The following RAB33A variants were observed in gnomAD, a reference collection of about 807,000 sequenced individuals.
The protein encoded by RAB33A is ras-related protein Rab-33A.
A neutral mutation model predicts 12.0 loss-of-function variants in RAB33A; 6 were observed. That is an observed-to-expected ratio of 0.50 (90% CI 0.27 to 0.99). The LOEUF (loss-of-function observed/expected upper bound fraction) is 0.99, where lower values mean the gene tolerates loss of function less well. Among genes scored for constraint, RAB33A ranks in the 50% least tolerant of loss-of-function variants. The probability of loss-of-function intolerance (pLI) is 0.11; values close to 1 mark genes in which losing one functional copy is unlikely to be tolerated. For missense variants in RAB33A, 109 were observed against 192.0 expected (o/e 0.57, Z 2.55); for synonymous variants, 70 against 82.4 (o/e 0.85, Z 0.81).
the RAB33A span, among the ~76,000 whole-genome samples, chrX:130,141,617 T>C: frequency 2.7e-5 from 3 of 111,461 alleles, no homozygotes; most frequent in African/African-American, 9.8e-5. Context: ...TTGAGGTTAC[T>C]GGTCTGCTGC....
the RAB33A span, chrX:130,129,640 AGAGT>A: frequency 2.5e-6 from 3 of 1,201,422 alleles, no homozygotes; most frequent in Non-Finnish European, 3.4e-6. Flanking sequence ...TGAGGGAGAG[AGAGT>A]AACAATAGGT....
the RAB33A span, among the ~76,000 whole-genome samples, chrX:130,117,107 G>A: frequency 8.9e-6 from 1 of 111,943 alleles, no homozygotes; most frequent in African/African-American, 3.3e-5. Context: ...CCAGCTACGC[G>A]GGAGGCTGAA....
the RAB33A span, among the ~76,000 whole-genome samples, chrX:130,119,398 C>T: frequency 8.9e-6 from 1 of 112,286 alleles, no homozygotes; most frequent in African/African-American, 3.2e-5. Flanking sequence ...CTCCTGGTCA[C>T]CTAGGGGGGC....
Position 130,172,228 on chromosome X carries a change from T to C in RAB33A, c.166T>C (p.Phe56Leu). ...GGGCAAGACCTGCCTGACCTTCCGC[T>C]TCTGCGGGGGTACCTTCCCAGACAA... is the stretch of plus-strand genomic sequence containing the variant. ...NVGKTCLTFR[F>L]CGGTFPDKTE... Residue 56 changes from phenylalanine (F) to leucine (L), a missense_variant, in exon 1 of 2, where the codon TTC becomes CTC. Transcript: ENST00000257017. 1 of 1,212,136 alleles carries C rather than the reference T, an allele frequency of 8.2e-7. No homozygotes were observed.
At chrX:130,165,534 T>C in the RAB33A span, 4 of 1,174,505 alleles carry the variant, frequency 3.4e-6, no homozygotes, top group African/African-American at 5.3e-5. Context: ...GGAGGTTGCC[T>C]GGAATGGGTC....
chrX:130,130,130 T>G, the RAB33A span: 22 of 1,211,932 alleles, frequency 1.8e-5, no homozygotes, highest in South Asian at 3.9e-4. Context: ...TTCTGAGGCC[T>G]CGGACTCTGT....
chrX:130,117,078 G>T, the RAB33A span, among the ~76,000 whole-genome samples: 1 of 111,747 alleles, frequency 8.9e-6, no homozygotes, highest in Non-Finnish European at 1.9e-5. Context: ...GCCGGGCGTG[G>T]TGGCGGGCTC....
the RAB33A span, chrX:130,129,301 G>A: frequency 2.5e-6 from 1 of 399,543 alleles, no homozygotes; most frequent in East Asian, 4.4e-5. Context: ...CAATTTGCTT[G>A]CTTTCTAATA....
intron 1 of RAB33A, among the ~76,000 whole-genome samples, chrX:130,175,483 C>T (rs6637699): frequency 2.0e-3 from 195 of 98,642 alleles, no homozygotes; most frequent in African/African-American, 6.9e-3. Flanking sequence ...CAGAACTCAA[C>T]TGGGTTTACT....
At chrX:130,120,912 C>G in the RAB33A span, among the ~76,000 whole-genome samples, 1 of 113,338 alleles carries the variant, frequency 8.8e-6, no homozygotes, top group Admixed American at 9.2e-5. Context: ...CGGGAACTGT[C>G]GTCCAAGGAG....
At chrX:130,150,480 C>T in the RAB33A span, among the ~76,000 whole-genome samples, 3 of 100,953 alleles carry the variant, frequency 3.0e-5, no homozygotes, top group African/African-American at 7.2e-5. Context: ...GGACTACAGG[C>T]GCCCGCCACT....
upstream of RAB33A, among the ~76,000 whole-genome samples, chrX:130,167,255 A>C (rs1400227232): frequency 9.7e-5 from 11 of 113,010 alleles, no homozygotes; most frequent in Admixed American, 2.8e-4. Context: ...CACCTGGGCA[A>C]GTCACTTAAT....
At chrX:130,137,567 C>T in the RAB33A span, 2 of 1,156,058 alleles carry the variant, frequency 1.7e-6, no homozygotes, top group Non-Finnish European at 2.3e-6. Context: ...ATGAAACATT[C>T]CAACTGGAGC....
chrX:130,136,768 A>G, the RAB33A span: 21 of 1,164,587 alleles, frequency 1.8e-5, no homozygotes, highest in Middle Eastern at 2.3e-4. Flanking sequence ...TGAGCCTACA[A>G]GGCTATCACT....
intron 1 of RAB33A, among the ~76,000 whole-genome samples, chrX:130,177,627 C>A (rs2031676093): frequency 9.0e-6 from 1 of 111,659 alleles, no homozygotes; most frequent in Non-Finnish European, 1.9e-5. Context: ...GACTACTAAT[C>A]CTCATAGCAT....
chrX:130,173,456 T>C (rs1436956597), intron 1 of RAB33A, among the ~76,000 whole-genome samples: 2 of 111,503 alleles, frequency 1.8e-5, no homozygotes, highest in Admixed American at 1.9e-4. Context: ...CTGAGTGACG[T>C]GGAGAGAAGG....
the RAB33A span, among the ~76,000 whole-genome samples, chrX:130,150,586 C>T: frequency 9.5e-6 from 1 of 105,708 alleles, no homozygotes; most frequent in Non-Finnish European, 2.0e-5. Flanking sequence ...CTGCCCGCCT[C>T]GGCCTCCCAA....
the RAB33A span, among the ~76,000 whole-genome samples, chrX:130,161,256 T>C: frequency 2.7e-5 from 3 of 110,836 alleles, no homozygotes; most frequent in East Asian, 8.6e-4. Context: ...CTCACACTTG[T>C]AATCCCAGCA....
intron 1 of RAB33A, among the ~76,000 whole-genome samples, chrX:130,182,179 T>TATATACACACAC (rs370694549): frequency 3.6e-4 from 26 of 72,665 alleles, no homozygotes; most frequent in South Asian, 2.2e-3. Context: ...TATATATATA[T>TATATACACACAC]ATACACATAT....
Sources: gnomAD v4.1 joint callset for allele counts (sites outside exome capture counted in the v4.1 genomes callset) on GRCh38, gnomAD v4.1.1 for gene constraint, MANE v1.5 for transcripts, NCBI Gene and HGNC (gene_info 2026-07-23, HGNC 2026-07-21) for gene names.